Variants in ZBTB8B observed in about 807,000 individuals in gnomAD.
ZBTB8B encodes zinc finger and BTB domain-containing protein 8B.
In ZBTB8B, 17 loss-of-function variants were observed where a neutral mutation model predicts 30.3. That is an observed-to-expected ratio of 0.56 (90% confidence interval 0.38 to 0.84). The LOEUF is 0.84. Among genes scored for constraint, ZBTB8B ranks in the 40% least tolerant of loss-of-function variants. The pLI is 0.00. For missense variants in ZBTB8B, 515 were observed against 644.9 expected, an observed-to-expected ratio of 0.80 and a Z score of 2.18; for synonymous variants, 248 against 255.6, an observed-to-expected ratio of 0.97 and a Z score of 0.28.
chr1:32,482,760 C>G (rs1270488574), intron 3 of ZBTB8B, among the ~76,000 whole-genome samples: 4 of 149,136 alleles, frequency 2.7e-5, no homozygotes, highest in African/African-American at 9.9e-5. Flanking sequence ...GTCTAGTATG[C>G]AGAATAAAGA....
In ZBTB8B at chr1:32,465,297, C is replaced by A. The variant is rs1340100498; in HGVS notation, c.-42+192C>A. Among the ~76,000 whole-genome samples, 2 of 152,246 alleles carry A rather than the reference C, an allele frequency of 1.3e-5. No homozygotes were observed. Among genetic ancestry groups the A allele is most frequent in the Non-Finnish European group, 2.9e-5 (2 of 68,034 alleles). On this transcript the variant is annotated intron_variant, in intron 1 of 3. Coordinates refer to ENST00000609129, the MANE Select transcript of ZBTB8B (RefSeq NM_001145720.2). This position sits in a 1 kb window ranked among gnomAD's most constrained non-coding sequence, Gnocchi z 4.1. ...CGAGCCCTTCTAGCGTGGGGAGGGG[C>A]AGGCGCGGCCGTGGGGCCCCAGCTT... is the stretch of plus-strand genomic sequence containing the variant.
Position 32,495,176 on chromosome 1 carries a change from A to G in ZBTB8B, c.*9758A>G, listed in dbSNP as rs1643808943. The G allele has an allele frequency of 6.6e-6, 1 of 152,208 alleles. No homozygotes were observed. The highest frequency in any genetic ancestry group is 2.4e-5 in the African/African-American group (1 of 41,456). The allele number at this position is 152,208 out of a possible 1,614,324, so 9.4% of individuals were successfully genotyped here. ...AATCTTATTTGAAACAGAAAACCAC[A>G]TATTTTTAAGTCAGCAGCCCACATG... On this transcript the variant is annotated 3_prime_UTR_variant, in exon 4 of 4. Transcript: ENST00000609129.
Position 32,485,634 on chromosome 1 carries a change from T to A in ZBTB8B, c.*216T>A, listed in dbSNP as rs1029542013. The A allele has an allele frequency of 9.4e-5, 53 of 563,794 alleles. No individual in the cohort carries two copies. The Admixed American group carries it at 1.6e-3, about 17-fold the overall frequency. 34.9% of individuals were successfully genotyped at this position (563,794 alleles called of 1,614,324 possible). A position where few individuals can be genotyped will look rare whatever the true frequency, so the allele number is the denominator to read the frequency against. On this transcript the variant is annotated 3_prime_UTR_variant, in exon 4 of 4. Coordinates refer to ENST00000609129, the MANE Select transcript of ZBTB8B (RefSeq NM_001145720.2). The stretch of plus-strand genomic sequence containing the variant: ...TGGTGCCCTTGGTTTCTGAGGGCTT[T>A]GCTGGCCACTCCTTAATTCTGAGTG...
In ZBTB8B at chr1:32,469,469, G is replaced by A. The variant is rs140027143; in HGVS notation, c.-41-1115G>A. Among the ~76,000 whole-genome samples, 644 of 152,084 alleles carry A rather than the reference G, an allele frequency of 4.2e-3. 6 individuals carry two copies. Among genetic ancestry groups the A allele is most frequent in the African/African-American group, 0.014 (597 of 41,484 alleles). On this transcript the variant is annotated intron_variant, in intron 1 of 3. Coordinates refer to ENST00000609129, the MANE Select transcript of ZBTB8B (RefSeq NM_001145720.2). Reference sequence around the variant, plus strand: ...GGGGTTTTGCCATGTTGGCCAGGCCGGTCTCAAACTCCAGACCTCAGCTGA... The same window carrying A: ...GGGGTTTTGCCATGTTGGCCAGGCCAGTCTCAAACTCCAGACCTCAGCTGA...
At chr1:32,475,962 C>T (rs772739286) in intron 2 of ZBTB8B, among the ~76,000 whole-genome samples, 42 of 151,650 alleles carry the variant, frequency 2.8e-4, no homozygotes, top group Admixed American at 1.9e-3. Flanking sequence ...GAATTACCGG[C>T]GGGCATCACC....
Position 32,490,607 on chromosome 1 carries a change from TGAGACG to T in ZBTB8B, c.*5193_*5198del, listed in dbSNP as rs769463534. The T allele has an allele frequency of 1.3e-5, 2 of 152,488 alleles. No individual in the cohort carries two copies. The highest frequency in any genetic ancestry group is 2.9e-5 in the Non-Finnish European group (2 of 68,168). The allele number at this position is 152,488 out of a possible 1,614,324, so 9.4% of individuals were successfully genotyped here. A position where few individuals can be genotyped will look rare whatever the true frequency, so the allele number is the denominator to read the frequency against. ...GTTGTTTTTCTTTTCTTTTTTTTTC[TGAGACG>T]GAGTCTCGCTCTGTTGCCCAGGCTG... On this transcript the variant is annotated 3_prime_UTR_variant, in exon 4 of 4. Transcript: ENST00000609129.
chr1:32,478,458 G>T lies in ZBTB8B; in HGVS notation c.992-2433G>T, dbSNP rs941291204. On this transcript the variant is annotated intron_variant, in intron 2 of 3. Transcript: ENST00000609129. ...ACCCAGGAGGCGGAGGTTGCAGTGA[G>T]CCAAGATCGTGCCACTGTACTCCAG... Among the ~76,000 whole-genome samples the T allele has an allele frequency of 2.0e-4, 31 of 152,270 alleles. 1 individual carries two copies. The highest frequency in any genetic ancestry group is 3.4e-3 in the Middle Eastern group (1 of 292).
chr1:32,469,769 A>T (rs1422004425), intron 1 of ZBTB8B, among the ~76,000 whole-genome samples: 3 of 152,216 alleles, frequency 2.0e-5, no homozygotes, highest in African/African-American at 7.2e-5. Context: ...AAATTCATTG[A>T]AAGAATTCAT....
At position 32,485,569 on chromosome 1, in the gene ZBTB8B, G is replaced by T; in HGVS notation, c.*151G>T. 1 of 837,948 alleles carries T rather than the reference G, an allele frequency of 1.2e-6. No homozygotes were observed. Among genetic ancestry groups the T allele is most frequent in the Non-Finnish European group, 1.8e-6 (1 of 552,894 alleles). 51.9% of individuals were successfully genotyped at this position (837,948 alleles called of 1,614,324 possible). The stretch of plus-strand genomic sequence containing the variant: ...ATTTTTATTAGACTATCTGATAGAG[G>T]TTGGATTTTGTGACTCAAAGGACAG... On this transcript the variant is annotated 3_prime_UTR_variant, in exon 4 of 4. Transcript: ENST00000609129.
Position 32,492,229 on chromosome 1 carries a change from A to C in ZBTB8B, c.*6811A>C, listed in dbSNP as rs931452632. The C allele has an allele frequency of 6.6e-6, 1 of 152,438 alleles. No individual in the cohort carries two copies. The highest frequency in any genetic ancestry group is 1.5e-5 in the Non-Finnish European group (1 of 68,556). 9.4% of individuals were successfully genotyped at this position (152,438 alleles called of 1,614,324 possible). ...AATGGACATGTCTGAGTATTCCATC[A>C]GTCATATTTTGATGGGAGCCTTTGG... On this transcript the variant is annotated 3_prime_UTR_variant, in exon 4 of 4. Coordinates refer to ENST00000609129, the MANE Select transcript of ZBTB8B (RefSeq NM_001145720.2).
chr1:32,479,868 G>A (rs1643691732), intron 2 of ZBTB8B, among the ~76,000 whole-genome samples: 3 of 152,174 alleles, frequency 2.0e-5, no homozygotes, highest in African/African-American at 7.2e-5. Context: ...ATTGGAAAAA[G>A]ATTTAAGTGA....
At chr1:32,479,579 C>A (rs1187670177) in intron 2 of ZBTB8B, among the ~76,000 whole-genome samples, 3 of 152,138 alleles carry the variant, frequency 2.0e-5, no homozygotes, top group African/African-American at 7.2e-5. Flanking sequence ...ATATAGTTGA[C>A]CCTCTGTGTC....
rs2148189342 is a variant in ZBTB8B, at chr1:32,491,617, A to T, written c.*6199A>T. ...CCGGCTTAAGAGCCCCTTGTCCCAC[A>T]GGAACAAGTATCTCTTATAACAGCT... On this transcript the variant is annotated 3_prime_UTR_variant, in exon 4 of 4. Coordinates refer to ENST00000609129, the MANE Select transcript of ZBTB8B (RefSeq NM_001145720.2). The T allele has an allele frequency of 6.6e-6, 1 of 152,366 alleles. No homozygotes were observed. The highest frequency in any genetic ancestry group is 1.9e-4 in the East Asian group (1 of 5,192). The allele number at this position is 152,366 out of a possible 1,614,324, so 9.4% of individuals were successfully genotyped here.
rs1643765419 is a variant in ZBTB8B, at chr1:32,489,379, G to A, written c.*3961G>A. 6.6e-6 allele frequency: 1 copy of A among 152,186 alleles called. No individual in the cohort carries two copies. Among genetic ancestry groups the A allele is most frequent in the African/African-American group, 2.4e-5 (1 of 41,446 alleles). The allele number at this position is 152,186 out of a possible 1,614,324, so 9.4% of individuals were successfully genotyped here. A position where few individuals can be genotyped will look rare whatever the true frequency, so the allele number is the denominator to read the frequency against. ...TCTTTCTTTCGTAATATCTCAGATT[G>A]TTGCATTTCTGGTGGACTATTTGGA... On this transcript the variant is annotated 3_prime_UTR_variant, in exon 4 of 4. Transcript: ENST00000609129.
At chr1:32,477,456 C>A (rs1025628173) in intron 2 of ZBTB8B, among the ~76,000 whole-genome samples, 1 of 152,092 alleles carries the variant, frequency 6.6e-6, no homozygotes, top group South Asian at 2.1e-4. Flanking sequence ...TTATGCTGGG[C>A]CTATTTTATT....
chr1:32,480,624 G>T (rs1265663974), intron 2 of ZBTB8B, among the ~76,000 whole-genome samples: 1 of 152,208 alleles, frequency 6.6e-6, no homozygotes, highest in East Asian at 1.9e-4. Flanking sequence ...CTGAGTTTCT[G>T]TCAGTCACAC....
chr1:32,470,993 C>T lies in ZBTB8B; in HGVS notation c.369C>T (p.Asp123=). The change falls in exon 2 of 4, where the codon GAC becomes GAT. Residue 123 remains aspartate, a synonymous_variant. Transcript: ENST00000609129. ...AGACATACATTAGGTCATCCCTCGA[C>T]ATTTGCCGAAAGATGGAGAAGGAGG... The part of the protein sequence containing the change: ...FCKTYIRSSL[D]ICRKMEKEAA... 3.2e-6 allele frequency: 5 copies of T among 1,552,244 alleles called. No individual in the cohort carries two copies. Among genetic ancestry groups the T allele is most frequent in the Non-Finnish European group, 4.4e-6 (5 of 1,147,108 alleles).
Position 32,465,301 on chromosome 1 carries a change from C to T in ZBTB8B, c.-42+196C>T, listed in dbSNP as rs1286087875. Among the ~76,000 whole-genome samples the T allele has an allele frequency of 6.6e-6, 1 of 152,230 alleles. No homozygotes were observed. Among genetic ancestry groups the T allele is most frequent in the East Asian group, 1.9e-4 (1 of 5,190 alleles). On this transcript the variant is annotated intron_variant, in intron 1 of 3. Coordinates refer to ENST00000609129, the MANE Select transcript of ZBTB8B (RefSeq NM_001145720.2). This position sits in a 1 kb window ranked among gnomAD's most constrained non-coding sequence, Gnocchi z 4.1. ...CCCTTCTAGCGTGGGGAGGGGCAGG[C>T]GCGGCCGTGGGGCCCCAGCTTCCCT... is the stretch of plus-strand genomic sequence containing the variant.
Position 32,471,440 on chromosome 1 carries a change from C to T in ZBTB8B, c.816C>T (p.Tyr272=). The part of the protein sequence containing the change: ...LPSGQAVDLA[Y]SNYHVKQFLE... ...GCGGCCAGGCGGTTGACTTGGCTTA[C>T]AGCAACTACCACGTGAAGCAGTTCC... Residue 272 remains tyrosine (Y), a synonymous_variant, in exon 2 of 4, where the codon TAC becomes TAT. Transcript: ENST00000609129. The T allele has an allele frequency of 6.4e-7, 1 of 1,551,824 alleles. No individual in the cohort carries two copies. The highest frequency in any genetic ancestry group is 8.7e-7 in the Non-Finnish European group (1 of 1,147,030).
Sources: allele counts gnomAD v4.1 joint callset (sites outside exome capture counted in the v4.1 genomes callset), GRCh38; gene constraint gnomAD v4.1.1; non-coding constraint Gnocchi (gnomAD v3.1); transcripts MANE v1.5; gene names NCBI Gene and HGNC (gene_info 2026-07-23, HGNC 2026-07-21).